Variants in DUSP22 observed in about 807,000 individuals in gnomAD.
DUSP22 encodes dual specificity phosphatase 22, also known as dual specificity protein phosphatase 22.
DUSP22 carries 24 observed loss-of-function variants against 24.5 expected under a neutral mutation model. That is an observed-to-expected ratio of 0.98 (90% CI 0.71 to 1.38). The LOEUF is 1.38. Among genes scored for constraint, DUSP22 ranks in the 40% most tolerant of loss-of-function variants. The pLI is 0.00. For missense variants in DUSP22, 330 were observed against 269.2 expected, an observed-to-expected ratio of 1.23 and a Z score of -1.58; for synonymous variants, 160 against 106.4, an observed-to-expected ratio of 1.50 and a Z score of -3.10.
intron 2 of DUSP22, among the ~76,000 whole-genome samples, chr6:306,759 T>C (rs1757828799): frequency 6.6e-6 from 1 of 152,310 alleles, no homozygotes; most frequent in South Asian, 2.1e-4. Flanking sequence ...CACGATGTGC[T>C]GGGAGTTGAA....
rs931760131 is a variant in DUSP22, at chr6:350,668, T to A, written c.*1717T>A. ...AATTTGCCAATAAAGTACATGTTTT[T>A]CCTAAGCCAAAAATAAATACGTTAA... On this transcript the variant is annotated 3_prime_UTR_variant, in exon 7 of 7. Transcript: ENST00000419235. 5.2e-6 allele frequency: 8 copies of A among 1,531,482 alleles called. No homozygotes were observed. In the African/African-American group the frequency reaches 9.7e-5, roughly 19 times the overall value. The allele number at this position is 1,531,482 out of a possible 1,614,324, so 94.9% of individuals were successfully genotyped here.
chr6:349,175 T>C lies in DUSP22; in HGVS notation c.*224T>C. On this transcript the variant is annotated 3_prime_UTR_variant, in exon 7 of 7. Coordinates refer to ENST00000419235, the MANE Select transcript of DUSP22 (RefSeq NM_001286555.3). ...CTGAGCTTGCTGCCCCTGGGGATGTTGCCCAGTGGCTGTGCACTGCTCTGT... is the reference window on the plus strand; with the variant it reads ...CTGAGCTTGCTGCCCCTGGGGATGTCGCCCAGTGGCTGTGCACTGCTCTGT... 6 of 1,427,126 alleles carry C rather than the reference T, an allele frequency of 4.2e-6. No homozygotes were observed. Among genetic ancestry groups the C allele is most frequent in the Non-Finnish European group, 4.6e-6 (5 of 1,095,356 alleles). 88.4% of individuals were successfully genotyped at this position (1,427,126 alleles called of 1,614,324 possible). A position where few individuals can be genotyped will look rare whatever the true frequency, so the allele number is the denominator to read the frequency against.
At chr6:309,238 A>T (rs1375373488) in intron 2 of DUSP22, among the ~76,000 whole-genome samples, 1 of 152,308 alleles carries the variant, frequency 6.6e-6, no homozygotes, top group African/African-American at 2.4e-5. Flanking sequence ...ATTTAGCTCA[A>T]GGGGGAGTGA....
chr6:346,221 C>A (rs1188860767), intron 5 of DUSP22, among the ~76,000 whole-genome samples: 1 of 152,300 alleles, frequency 6.6e-6, no homozygotes, highest in Admixed American at 6.5e-5. Flanking sequence ...GCTGGCTTGC[C>A]TCCAGCATTT....
At position 351,007 on chromosome 6, in the gene DUSP22, C is replaced by T. The variant is rs1014805100; in HGVS notation, c.*2056C>T. 1 of 1,234,968 alleles carries T rather than the reference C, an allele frequency of 8.1e-7. No homozygotes were observed. The highest frequency in any genetic ancestry group is 1.2e-6 in the Non-Finnish European group (1 of 857,360). 76.5% of individuals were successfully genotyped at this position (1,234,968 alleles called of 1,614,324 possible). A position where few individuals can be genotyped will look rare whatever the true frequency, so the allele number is the denominator to read the frequency against. ...ATTTGAAGCTGAATATATACGTAGT[C>T]ATGTTTATGTTGAGAACTAAGGATA... On this transcript the variant is annotated 3_prime_UTR_variant, in exon 7 of 7. Coordinates refer to ENST00000419235, the MANE Select transcript of DUSP22 (RefSeq NM_001286555.3).
At chr6:327,273 T>G (rs1758923492) in intron 3 of DUSP22, among the ~76,000 whole-genome samples, 1 of 152,306 alleles carries the variant, frequency 6.6e-6, no homozygotes, top group South Asian at 2.1e-4. Context: ...CCTGTCATGG[T>G]TTTCTGTGTG....
intron 4 of DUSP22, among the ~76,000 whole-genome samples, 154 bp downstream of exon 4, chr6:335,317 G>T (rs562437305): frequency 1.2e-4 from 19 of 152,304 alleles, no homozygotes; most frequent in Non-Finnish European, 2.4e-4. Context: ...AGAGGCCAAC[G>T]CTAGGCAGGC....
chr6:309,597 G>T (rs1221344828), intron 2 of DUSP22, among the ~76,000 whole-genome samples: 1 of 152,294 alleles, frequency 6.6e-6, no homozygotes, highest in Non-Finnish European at 1.5e-5. Context: ...TAGAGATGGA[G>T]ATTCCTCAGC....
chr6:334,030 G>C (rs1019573017), intron 3 of DUSP22, among the ~76,000 whole-genome samples: 1 of 152,302 alleles, frequency 6.6e-6, no homozygotes, highest in Non-Finnish European at 1.5e-5. Context: ...CTAACAATAG[G>C]AGTTAATGGT....
rs1192195882 is a variant in DUSP22, at chr6:306,249, T to A, written c.55+1588T>A. Reference sequence around the variant, plus strand: ...GATAAGTTCTTAGAAGTAGAATTGCTAGATGAAAGGTTTGAAATTAAAAAT... The same window carrying A: ...GATAAGTTCTTAGAAGTAGAATTGCAAGATGAAAGGTTTGAAATTAAAAAT... On this transcript the variant is annotated intron_variant, in intron 2 of 6. Coordinates refer to ENST00000419235, the MANE Select transcript of DUSP22 (RefSeq NM_001286555.3). Among the ~76,000 whole-genome samples the A allele has an allele frequency of 2.0e-5, 3 of 152,420 alleles. No homozygotes were observed. The South Asian group carries it at 6.2e-4, about 32-fold the overall frequency.
At position 299,271 on chromosome 6, in the gene DUSP22, G is replaced by C. The variant is rs1323930004; in HGVS notation, c.22-5357G>C. Among the ~76,000 whole-genome samples, 3 of 152,418 alleles carry C rather than the reference G, an allele frequency of 2.0e-5. No homozygotes were observed. In the East Asian group the frequency reaches 5.8e-4, roughly 29 times the overall value. On this transcript the variant is annotated intron_variant, in intron 1 of 6. Coordinates refer to ENST00000419235, the MANE Select transcript of DUSP22 (RefSeq NM_001286555.3). ...CTGACTGGTCAGCCAGGTTGTTGCA[G>C]ATAAACACCTTGTGGTTCCCAGGTC...
intron 3 of DUSP22, among the ~76,000 whole-genome samples, chr6:332,023 A>G (rs529780900): frequency 6.6e-6 from 1 of 152,422 alleles, no homozygotes; most frequent in African/African-American, 2.4e-5. Context: ...ACTGGCACAA[A>G]TGATGGTGCT....
chr6:303,525 A>G (rs1409506397), intron 1 of DUSP22, among the ~76,000 whole-genome samples: 4 of 152,426 alleles, frequency 2.6e-5, no homozygotes, highest in African/African-American at 7.2e-5. Flanking sequence ...GAACTGTACT[A>G]CAGGCTCTTT....
At chr6:293,192 G>C (rs1479545514) in intron 1 of DUSP22, among the ~76,000 whole-genome samples, 2 of 152,286 alleles carry the variant, frequency 1.3e-5, no homozygotes, top group African/African-American at 2.4e-5. Flanking sequence ...TGGAAAATCT[G>C]TGTTGCTCCA....
At chr6:340,970 G>C in intron 4 of DUSP22, among the ~76,000 whole-genome samples, 1 of 152,254 alleles carries the variant, frequency 6.6e-6, no homozygotes, top group East Asian at 1.9e-4. Flanking sequence ...AAGGTCGGTA[G>C]AGCCCATCTG....
chr6:307,222 A>C (rs910472300), intron 2 of DUSP22, among the ~76,000 whole-genome samples: 1 of 152,308 alleles, frequency 6.6e-6, no homozygotes. Flanking sequence ...AAGAACCAGT[A>C]GAGTAGAAAG....
At chr6:332,873 A>C (rs1759198992) in intron 3 of DUSP22, among the ~76,000 whole-genome samples, 1 of 152,294 alleles carries the variant, frequency 6.6e-6, no homozygotes, top group Admixed American at 6.5e-5. Flanking sequence ...AGGAGCGTGG[A>C]GGGAGAGTGT....
chr6:317,701 C>T lies in DUSP22; in HGVS notation c.138+5739C>T, dbSNP rs548331871. On this transcript the variant is annotated intron_variant, in intron 3 of 6. Coordinates refer to ENST00000419235, the MANE Select transcript of DUSP22 (RefSeq NM_001286555.3). Reference sequence around the variant, plus strand: ...TCATGGCCCACATCGGGCTCCTGAGCTGGCCTGGGAGCCCACACAGGCAGC... The same window carrying T: ...TCATGGCCCACATCGGGCTCCTGAGTTGGCCTGGGAGCCCACACAGGCAGC... Among the ~76,000 whole-genome samples the T allele has an allele frequency of 2.0e-5, 3 of 152,428 alleles. No homozygotes were observed. In the South Asian group the frequency reaches 6.2e-4, roughly 32 times the overall value.
intron 3 of DUSP22, among the ~76,000 whole-genome samples, chr6:333,448 G>A (rs1306949498): frequency 2.6e-5 from 4 of 152,296 alleles, no homozygotes; most frequent in Non-Finnish European, 5.9e-5. Flanking sequence ...GGGAGAAAAC[G>A]TTTTTGATTC....
Sources: allele counts gnomAD v4.1 joint callset (sites outside exome capture counted in the v4.1 genomes callset), GRCh38; gene constraint gnomAD v4.1.1; transcripts MANE v1.5; gene names NCBI Gene and HGNC (gene_info 2026-07-23, HGNC 2026-07-21).